EHBP1: variants seen among roughly 807,000 people sequenced by gnomAD.
EHBP1 encodes the protein EH domain binding protein 1.
EHBP1 carries 55 observed loss-of-function variants against 144.0 expected under a neutral mutation model. That is an observed-to-expected ratio of 0.38 (90% CI 0.31 to 0.48). The LOEUF (loss-of-function observed/expected upper bound fraction) is 0.48, where lower values mean the gene tolerates loss of function less well. Among genes scored for constraint, EHBP1 ranks in the 20% least tolerant of loss-of-function variants. EHBP1 has a pLI of 0.98. For synonymous variants in EHBP1, 469 were observed against 472.7 expected, an observed-to-expected ratio of 0.99 and a Z score of 0.10; for missense variants, 1,200 against 1,364.2, an observed-to-expected ratio of 0.88 and a Z score of 1.90.
chr2:62,936,522 A>G lies in EHBP1; in HGVS notation c.1186-6196A>G, dbSNP rs185561089. ...TTTGAGGGGAGGGGATGAGGCTCAT[A>G]TTGCTATTTGGGAGTCCACCAAAAG... On this transcript the variant is annotated intron_variant, in intron 10 of 22. Coordinates refer to ENST00000431489, the MANE Select transcript of EHBP1 (RefSeq NM_001142616.3). Among the ~76,000 whole-genome samples the G allele has an allele frequency of 1.6e-4, 25 of 152,122 alleles. No homozygotes were observed. The East Asian group carries it at 2.5e-3, about 15-fold the overall frequency.
chr2:62,908,471 TA>T (rs748943358), intron 10 of EHBP1, among the ~76,000 whole-genome samples: 3 of 152,262 alleles, frequency 2.0e-5, no homozygotes, highest in East Asian at 3.9e-4. Flanking sequence ...CTCTGATCTT[TA>T]TTACTTCCTT....
At chr2:62,722,889 G>C (rs765829982) in intron 2 of EHBP1, among the ~76,000 whole-genome samples, 3 of 152,198 alleles carry the variant, frequency 2.0e-5, no homozygotes, top group East Asian at 3.8e-4. Flanking sequence ...TATGATTTCA[G>C]TTCTTTTGCT....
At position 62,870,678 on chromosome 2, in the gene EHBP1, T is replaced by A. The variant is rs1419829679; in HGVS notation, c.999-3668T>A. 1.9e-4 allele frequency among the ~76,000 whole-genome samples: 27 copies of A among 138,654 alleles called. 1 individual carries two copies. Among genetic ancestry groups the A allele is most frequent in the Admixed American group, 1.9e-3 (25 of 12,962 alleles). 91.0% of individuals were successfully genotyped at this position (138,654 alleles called of 152,430 possible). ...TTGCAGTGAGCCCAGATCATGCCACTGTACTCCAGCCTGGGCAACAGAGCG... is the reference window on the plus strand; with the variant it reads ...TTGCAGTGAGCCCAGATCATGCCACAGTACTCCAGCCTGGGCAACAGAGCG... On this transcript the variant is annotated intron_variant, in intron 9 of 22. Coordinates refer to ENST00000431489, the MANE Select transcript of EHBP1 (RefSeq NM_001142616.3).
intron 12 of EHBP1, 122 bp downstream of exon 12, chr2:62,943,972 C>T: frequency 1.6e-6 from 1 of 607,616 alleles, no homozygotes; most frequent in South Asian, 2.7e-5. Context: ...AGAGGGTTGT[C>T]TGCTTACTGC....
At chr2:63,002,276 G>A (rs1255397433) in intron 19 of EHBP1, among the ~76,000 whole-genome samples, 1 of 152,110 alleles carries the variant, frequency 6.6e-6, no homozygotes. Flanking sequence ...TAATATTTCA[G>A]TGACTGACTT....
intron 10 of EHBP1, among the ~76,000 whole-genome samples, chr2:62,904,201 T>C (rs1318282409): frequency 6.6e-6 from 1 of 152,234 alleles, no homozygotes; most frequent in Non-Finnish European, 1.5e-5. Context: ...TTTGAGCCTA[T>C]GTCTTACTGG....
At chr2:62,858,336 A>G (rs967458964) in intron 7 of EHBP1, 8 of 982,756 alleles carry the variant, frequency 8.1e-6, no homozygotes, top group South Asian at 6.2e-5. Context: ...TTTGGGTAAC[A>G]GCATGCTCCT....
intron 15 of EHBP1, among the ~76,000 whole-genome samples, chr2:62,987,403 C>A (rs990221381): frequency 7.9e-5 from 12 of 152,034 alleles, no homozygotes; most frequent in African/African-American, 2.9e-4. Flanking sequence ...ATTGTATATG[C>A]TAGTCTCACT....
intron 13 of EHBP1, among the ~76,000 whole-genome samples, chr2:62,953,414 G>C (rs1303781536): frequency 2.6e-5 from 4 of 151,236 alleles, no homozygotes; most frequent in Non-Finnish European, 5.9e-5. Flanking sequence ...GGCTGGGCAT[G>C]GTGGCTCACC....
chr2:63,043,170 T>C (rs1324124085), intron 21 of EHBP1, among the ~76,000 whole-genome samples: 2 of 152,208 alleles, frequency 1.3e-5, no homozygotes, highest in Non-Finnish European at 2.9e-5. Context: ...TTAATTTACC[T>C]GCTGAATAAG....
At chr2:62,823,247 G>T (rs1284511907) in intron 5 of EHBP1, among the ~76,000 whole-genome samples, 3 of 152,108 alleles carry the variant, frequency 2.0e-5, no homozygotes, top group Admixed American at 2.0e-4. Context: ...CGAAAATACT[G>T]CCAGATGCAC....
chr2:62,845,090 CT>C (rs374451812), intron 7 of EHBP1, among the ~76,000 whole-genome samples: 3,610 of 144,468 alleles, frequency 0.025, 112 homozygotes, highest in African/African-American at 0.081. Context: ...AGCAGATTAT[CT>C]TTTTTTTTTT....
At chr2:62,745,022 A>G (rs2039021602) in intron 2 of EHBP1, among the ~76,000 whole-genome samples, 2 of 152,112 alleles carry the variant, frequency 1.3e-5, no homozygotes, top group African/African-American at 4.8e-5. Flanking sequence ...TTTTTATTTT[A>G]ATGTGCAGCA....
intron 13 of EHBP1, among the ~76,000 whole-genome samples, chr2:62,952,652 G>A (rs369367127): frequency 2.3e-4 from 35 of 152,236 alleles, no homozygotes; most frequent in African/African-American, 8.4e-4. Context: ...TATATTATAT[G>A]TGGGAAATCT....
At chr2:62,924,361 T>C (rs1404880313) in intron 10 of EHBP1, among the ~76,000 whole-genome samples, 1 of 151,736 alleles carries the variant, frequency 6.6e-6, no homozygotes, top group African/African-American at 2.4e-5. Context: ...AAAGAAATAA[T>C]AAAGATCAGA....
Position 63,024,086 on chromosome 2 carries a change from C to T in EHBP1, c.3104-13449C>T, listed in dbSNP as rs149467785. Among the ~76,000 whole-genome samples the T allele has an allele frequency of 1.5e-3, 231 of 152,268 alleles. 3 individuals carry two copies. The East Asian group carries it at 0.041, about 27-fold the overall frequency. On this transcript the variant is annotated intron_variant, in intron 19 of 22. Coordinates refer to ENST00000431489, the MANE Select transcript of EHBP1 (RefSeq NM_001142616.3). ...ATCAGCCAGGCGCGGTGGCTCACAC[C>T]TGTAATCCCAACACTTTGGGAGGCC... is the stretch of plus-strand genomic sequence containing the variant.
intron 1 of EHBP1, among the ~76,000 whole-genome samples, chr2:62,678,573 T>C (rs2033396278): frequency 6.6e-6 from 1 of 152,212 alleles, no homozygotes; most frequent in Non-Finnish European, 1.5e-5. Flanking sequence ...TTATAAACTG[T>C]ATTCATATAC....
At chr2:62,939,858 A>T (rs1054560838) in intron 10 of EHBP1, 2 of 171,582 alleles carry the variant, frequency 1.2e-5, no homozygotes, top group Non-Finnish European at 2.5e-5. Context: ...GGCATGATGG[A>T]ACCACAGTCC....
intron 19 of EHBP1, among the ~76,000 whole-genome samples, chr2:63,001,631 A>G (rs918358434): frequency 3.9e-5 from 6 of 152,188 alleles, no homozygotes; most frequent in Non-Finnish European, 7.4e-5. Flanking sequence ...CAAAGGCCCT[A>G]TGAGATAGGG....
Sources: allele counts gnomAD v4.1 joint callset (sites outside exome capture counted in the v4.1 genomes callset), GRCh38; gene constraint gnomAD v4.1.1; transcripts MANE v1.5; gene names NCBI Gene and HGNC (gene_info 2026-07-23, HGNC 2026-07-21).